MYO16: variants seen among roughly 807,000 people sequenced by gnomAD.
MYO16 encodes the protein myosin XVI.
Under a neutral mutation model 205.3 loss-of-function variants are expected in MYO16, and 94 were observed. The ratio of observed to expected loss-of-function variants is 0.46; its 90% CI spans 0.39 to 0.54. The LOEUF (loss-of-function observed/expected upper bound fraction) is 0.54. Among genes scored for constraint, MYO16 ranks in the 20% least tolerant of loss-of-function variants. The pLI is 0.00. For missense variants in MYO16, 2,315 were observed against 2,387.5 expected (o/e 0.97, Z 0.63); for synonymous variants, 988 against 954.0 (o/e 1.04, Z -0.66).
intron 13 of MYO16, among the ~76,000 whole-genome samples, chr13:108,885,821 G>A (rs781505541): frequency 6.6e-6 from 1 of 152,182 alleles, no homozygotes; most frequent in African/African-American, 2.4e-5. Flanking sequence ...AGGAGCAGCA[G>A]GCCCATGCGC....
At chr13:109,091,596 G>T (rs1888624773) in intron 27 of MYO16, among the ~76,000 whole-genome samples, 1 of 152,170 alleles carries the variant, frequency 6.6e-6, no homozygotes, top group Admixed American at 6.5e-5. Flanking sequence ...CCTCTGCAGT[G>T]CTCAGCACTG....
At chr13:108,957,500 A>G (rs1394382285) in intron 16 of MYO16, among the ~76,000 whole-genome samples, 188 bp from the exon 17 acceptor site, 1 of 152,164 alleles carries the variant, frequency 6.6e-6, no homozygotes, top group Admixed American at 6.5e-5. Flanking sequence ...TGGTACAACA[A>G]GAACTAATGT....
At chr13:108,743,262 A>G (rs1344525266) in intron 4 of MYO16, among the ~76,000 whole-genome samples, 4 of 152,202 alleles carry the variant, frequency 2.6e-5, no homozygotes, top group East Asian at 1.9e-4. Context: ...ATTGAAAAAA[A>G]CATTTGGGGT....
chr13:108,927,535 C>A (rs12427759), intron 16 of MYO16, among the ~76,000 whole-genome samples: 6,263 of 152,268 alleles, frequency 0.041, 194 homozygotes, highest in Admixed American at 0.081. Context: ...CACCCAAAGA[C>A]ATCCCAAGAT....
In MYO16 at chr13:108,600,490, C is replaced by G. The variant is rs150519204; in HGVS notation, c.-39+4251C>G. On this transcript the variant is annotated intron_variant, in intron 1 of 24. Transcript: ENST00000251041. ...TATTATTAACGCTGCTACTGTTGAC[C>G]GTTATACATTCAGAAGACTTTAAGT... is the stretch of plus-strand genomic sequence containing the variant. Among the ~76,000 whole-genome samples, 18 of 152,194 alleles carry G rather than the reference C, an allele frequency of 1.2e-4. No homozygotes were observed. In the East Asian group the frequency reaches 3.5e-3, roughly 29 times the overall value.
intron 10 of MYO16, among the ~76,000 whole-genome samples, chr13:108,848,651 G>A (rs570747788): frequency 2.0e-5 from 3 of 152,128 alleles, no homozygotes; most frequent in South Asian, 2.1e-4. Context: ...TATTTAAAAC[G>A]TAGCAGGGTT....
chr13:109,042,244 C>T (rs1342763309), intron 23 of MYO16, among the ~76,000 whole-genome samples: 3 of 152,138 alleles, frequency 2.0e-5, no homozygotes, highest in African/African-American at 7.2e-5. Context: ...AATTTGGAAT[C>T]GAGTAGTATT....
chr13:108,849,600 T>A (rs1877722468), intron 10 of MYO16, among the ~76,000 whole-genome samples: 1 of 138,628 alleles, frequency 7.2e-6, no homozygotes, highest in African/African-American at 2.7e-5. Context: ...TTCCTCCAAA[T>A]CCTGTTGAAT....
chr13:108,774,952 T>A (rs533151170), intron 4 of MYO16, among the ~76,000 whole-genome samples: 1 of 152,318 alleles, frequency 6.6e-6, no homozygotes, highest in South Asian at 2.1e-4. Flanking sequence ...TTTAAAAATA[T>A]TACTTAAGAT....
chr13:108,582,168 T>C, the MYO16 span, among the ~76,000 whole-genome samples: 1 of 152,222 alleles, frequency 6.6e-6, no homozygotes, highest in African/African-American at 2.4e-5. Flanking sequence ...CTTTTCATCA[T>C]GTTTGTTTGA....
the MYO16 span, among the ~76,000 whole-genome samples, chr13:108,551,666 G>A: frequency 5.9e-5 from 9 of 151,938 alleles, no homozygotes; most frequent in African/African-American, 1.5e-4. Flanking sequence ...AGGATTCTGC[G>A]TTGCCCAGGG....
chr13:109,088,121 C>T (rs937378723), intron 27 of MYO16, among the ~76,000 whole-genome samples: 3 of 152,204 alleles, frequency 2.0e-5, no homozygotes, highest in Non-Finnish European at 4.4e-5. Flanking sequence ...ACCATTATTT[C>T]AGCTCCATCG....
chr13:108,815,408 G>C (rs867658373), intron 7 of MYO16, among the ~76,000 whole-genome samples: 3 of 152,184 alleles, frequency 2.0e-5, no homozygotes, highest in Non-Finnish European at 4.4e-5. Context: ...CTTAGAAGCA[G>C]AGCCTTGTTC....
intron 8 of MYO16, among the ~76,000 whole-genome samples, chr13:108,822,503 T>TATA (rs1876034299): frequency 6.6e-6 from 1 of 152,188 alleles, no homozygotes; most frequent in South Asian, 2.1e-4. Context: ...ATATCAGTAA[T>TATA]TGTTGTTAGT....
chr13:108,720,577 G>C (rs1325927070), intron 3 of MYO16, among the ~76,000 whole-genome samples: 1 of 151,408 alleles, frequency 6.6e-6, no homozygotes, highest in Admixed American at 6.6e-5. Flanking sequence ...TCAGAGTTTT[G>C]TTGTTGTTGT....
chr13:109,096,548 A>G (rs1011860080), intron 27 of MYO16, among the ~76,000 whole-genome samples: 3 of 152,152 alleles, frequency 2.0e-5, no homozygotes, highest in African/African-American at 7.2e-5. Flanking sequence ...TCAAAAGACG[A>G]TTGTCATCCA....
intron 2 of MYO16, among the ~76,000 whole-genome samples, chr13:108,679,940 T>C (rs570435736): frequency 6.6e-6 from 1 of 152,206 alleles, no homozygotes; most frequent in East Asian, 1.9e-4. Context: ...CTCAAGCCTC[T>C]TCTGCCATCC....
At chr13:108,764,628 T>C (rs1176114046) in intron 4 of MYO16, among the ~76,000 whole-genome samples, 2 of 152,154 alleles carry the variant, frequency 1.3e-5, no homozygotes, top group Non-Finnish European at 2.9e-5. Context: ...CAAAATTATG[T>C]TGAATTTAGC....
At position 109,055,610 on chromosome 13, in the gene MYO16, TC is replaced by T. The variant is rs772725966; in HGVS notation, c.3335+16del. On this transcript the variant is annotated intron_variant, in intron 27 of 34. Coordinates refer to ENST00000457511, the MANE Select transcript of MYO16 (RefSeq NM_001198950.3). The surrounding 1 kb of genome is among the most constrained non-coding windows in gnomAD (Gnocchi z 5.0). Reference sequence around the variant, plus strand: ...TTCCTGTCAAGGTAAATTCTTCTGCTCTTAAAATCGTCGTTCTCGCTGCTGT... The same window carrying T: ...TTCCTGTCAAGGTAAATTCTTCTGCTTTAAAATCGTCGTTCTCGCTGCTGT... 6 of 1,600,578 alleles carry T rather than the reference TC, an allele frequency of 3.7e-6. No homozygotes were observed. The highest frequency in any genetic ancestry group is 4.3e-6 in the Non-Finnish European group (5 of 1,174,852).
Sources: gnomAD v4.1 joint callset for allele counts (sites outside exome capture counted in the v4.1 genomes callset) on GRCh38, gnomAD v4.1.1 for gene constraint, Gnocchi (gnomAD v3.1) non-coding constraint, MANE v1.5 for transcripts, NCBI Gene and HGNC (gene_info 2026-07-23, HGNC 2026-07-21) for gene names.